The following BUD23 variants were observed in gnomAD, a reference collection of about 807,000 sequenced individuals.
The protein encoded by BUD23 is 18S rRNA (guanine-N(7))-methyltransferase.
BUD23 carries 34 observed loss-of-function variants against 47.0 expected under a neutral mutation model. The ratio of observed to expected loss-of-function variants is 0.72; its 90% CI spans 0.55 to 0.96. The LOEUF is 0.96. Ranked by LOEUF, BUD23 falls within the 40% of genes least tolerant of loss-of-function variation. The pLI, the probability that BUD23 is intolerant of heterozygous loss-of-function variation, is 0.00. For missense variants in BUD23, 343 were observed against 361.2 expected, an observed-to-expected ratio of 0.95 and a Z score of 0.41; for synonymous variants, 124 against 132.0, an observed-to-expected ratio of 0.94 and a Z score of 0.41.
At chr7:73,683,901 G>C in intron 2 of BUD23, 97 bp downstream of exon 2, 1 of 1,609,232 alleles carries the variant, frequency 6.2e-7, no homozygotes, top group Non-Finnish European at 8.5e-7. Context: ...AGAATTTGGG[G>C]GTGCGGGAAG....
Position 73,693,333 on chromosome 7 carries a change from A to G in BUD23, c.515A>G (p.Glu172Gly). The change falls in exon 8 of 12, where the codon GAG (glutamate) becomes GGG (glycine). Residue 172 changes from glutamate (E) to glycine (G), a missense_variant. Physicochemically the swap from Glu to Gly is moderately conservative, Grantham distance 98. Coordinates refer to ENST00000265758, the MANE Select transcript of BUD23 (RefSeq NM_017528.5). Reference sequence around the variant, plus strand: ...CCGCTGCCTTTCTTTCCTCAGTTGGAGCTGATCACAACCCAGGCCACAAAG... The same window carrying G: ...CCGCTGCCTTTCTTTCCTCAGTTGGGGCTGATCACAACCCAGGCCACAAAG... Reference protein sequence around the residue: ...QLYPENSEQLELITTQATKAG... With the variant: ...QLYPENSEQLGLITTQATKAG... 1 of 1,613,802 alleles carries G rather than the reference A, an allele frequency of 6.2e-7. No homozygotes were observed. Among genetic ancestry groups the G allele is most frequent in the Non-Finnish European group, 8.5e-7 (1 of 1,179,906 alleles).
At chr7:73,697,289 A>C in intron 10 of BUD23, 2 of 664,416 alleles carry the variant, frequency 3.0e-6, no homozygotes, top group Middle Eastern at 4.1e-4. Context: ...GCATTGGTAG[A>C]AAGCGGCCTG....
chr7:73,694,155 G>T, intron 10 of BUD23, 105 bp downstream of exon 10: 10 of 1,201,014 alleles, frequency 8.3e-6, no homozygotes, highest in Non-Finnish European at 1.2e-5. Context: ...GTCACATGCA[G>T]CAGGGACACC....
chr7:73,693,189 C>G, intron 7 of BUD23, 140 bp from the exon 8 acceptor site: 1 of 756,634 alleles, frequency 1.3e-6, no homozygotes. Flanking sequence ...GTACTTTTCT[C>G]TACGTGGCTT....
rs1554615162 is a variant in BUD23 at position 73,697,821 on chromosome 7, T to C, written c.792-11T>C. ...TTTTTTCTGAGACTGTCCTATTCCT[T>C]TTCTGCACAGGGAAGTCAGACCTGA... On this transcript the variant is annotated splice_polypyrimidine_tract_variant and intron_variant, in intron 11 of 11. Transcript: ENST00000265758. 3 of 1,613,348 alleles carry C rather than the reference T, an allele frequency of 1.9e-6. No individual in the cohort carries two copies. The highest frequency in any genetic ancestry group is 2.5e-6 in the Non-Finnish European group (3 of 1,179,880).
chr7:73,697,986 T>G lies in BUD23; in HGVS notation c.*100T>G. 1 of 1,429,358 alleles carries G rather than the reference T, an allele frequency of 7.0e-7. No homozygotes were observed. Among genetic ancestry groups the G allele is most frequent in the Non-Finnish European group, 9.3e-7 (1 of 1,072,350 alleles). 88.5% of individuals were successfully genotyped at this position (1,429,358 alleles called of 1,614,324 possible). ...GAAAAGTTCTAAAGTTATAAAAATGTTTTCTGCAGTAAAAAAAAAGTTCTC... is the reference window on the plus strand; with the variant it reads ...GAAAAGTTCTAAAGTTATAAAAATGGTTTCTGCAGTAAAAAAAAAGTTCTC... On this transcript the variant is annotated 3_prime_UTR_variant, in exon 12 of 12. Coordinates refer to ENST00000265758, the MANE Select transcript of BUD23 (RefSeq NM_017528.5).
At chr7:73,684,001 G>T in intron 2 of BUD23, 197 bp downstream of exon 2, 1 of 1,450,802 alleles carries the variant, frequency 6.9e-7, no homozygotes, top group Non-Finnish European at 9.0e-7. Context: ...CAGCGTTGAG[G>T]TAGGGGTGAT....
At chr7:73,697,784 T>C (rs1554615146) in intron 11 of BUD23, 48 bp from the exon 12 acceptor site, 1 of 1,611,202 alleles carries the variant, frequency 6.2e-7, no homozygotes, top group Non-Finnish European at 8.5e-7. Context: ...GGTCCAGGGC[T>C]GCTTTGATCT....
intron 10 of BUD23, chr7:73,697,331 G>A (rs1798445632): frequency 9.5e-7 from 1 of 1,048,006 alleles, no homozygotes; most frequent in South Asian, 1.5e-5. Flanking sequence ...CCCGAAGAGG[G>A]AACAGACTGC....
intron 10 of BUD23, chr7:73,695,110 C>A: frequency 6.6e-6 from 1 of 152,432 alleles, no homozygotes; most frequent in South Asian, 2.1e-4. Flanking sequence ...GCCACCATGC[C>A]TGGTTAATTT....
In BUD23 at chr7:73,686,918, G is replaced by A. The variant is rs1554613128; in HGVS notation, c.265+18G>A. 6.2e-7 allele frequency: 1 copy of A among 1,614,172 alleles called. No homozygotes were observed. Among genetic ancestry groups the A allele is most frequent in the Non-Finnish European group, 8.5e-7 (1 of 1,180,000 alleles). The stretch of plus-strand genomic sequence containing the variant: ...CATGCTGGGTAAGTATGTCCTGTCT[G>A]GCACCAGGGTGGATTACCCTGATGG... On this transcript the variant is annotated intron_variant, in intron 4 of 11. Coordinates refer to ENST00000265758, the MANE Select transcript of BUD23 (RefSeq NM_017528.5).
At position 73,683,682 on chromosome 7, in the gene BUD23, CG is replaced by C; in HGVS notation, c.48+13del. 1 of 1,613,688 alleles carries C rather than the reference CG, an allele frequency of 6.2e-7. No homozygotes were observed. On this transcript the variant is annotated intron_variant, in intron 1 of 11. Transcript: ENST00000265758. ...GCGGACCCCCAGAGCTGGTAAGTCCCGGGGCCCGCGGACACCCCTCTCCCCA... is the reference window on the plus strand; with the variant it reads ...GCGGACCCCCAGAGCTGGTAAGTCCCGGGCCCGCGGACACCCCTCTCCCCA...
chr7:73,692,506 A>C, intron 6 of BUD23, 90 bp from the exon 7 acceptor site: 1 of 1,289,396 alleles, frequency 7.8e-7, no homozygotes, highest in Non-Finnish European at 1.1e-6. Context: ...GAAATTCAGG[A>C]AATACTTGGT....
chr7:73,686,573 G>C, intron 2 of BUD23, 63 bp from the exon 3 acceptor site: 3 of 1,427,048 alleles, frequency 2.1e-6, no homozygotes, highest in Middle Eastern at 1.8e-4. Flanking sequence ...TTGTTTTTTG[G>C]TCTGGGGGAA....
chr7:73,683,902 G>A (rs782387657), intron 2 of BUD23, 98 bp downstream of exon 2: 2 of 1,609,114 alleles, frequency 1.2e-6, no homozygotes, highest in Non-Finnish European at 1.7e-6. Context: ...GAATTTGGGG[G>A]TGCGGGAAGG....
intron 2 of BUD23, chr7:73,684,102 G>T (rs1797842771): frequency 1.1e-6 from 1 of 904,666 alleles, no homozygotes; most frequent in South Asian, 1.8e-5. Context: ...GTGGGTACGG[G>T]CGAGGGGTCA....
chr7:73,684,090 C>A (rs1170852332), intron 2 of BUD23: 2 of 1,035,722 alleles, frequency 1.9e-6, no homozygotes, highest in Non-Finnish European at 2.7e-6. Context: ...AGGCGCTGGG[C>A]GGTGGGTACG....
At chr7:73,697,517 G>GT in intron 10 of BUD23, 88 bp from the exon 11 acceptor site, 1 of 1,603,444 alleles carries the variant, frequency 6.2e-7, no homozygotes, top group Non-Finnish European at 8.5e-7. Context: ...AGACTCGGAG[G>GT]TAAGCTTGCC....
intron 5 of BUD23, among the ~76,000 whole-genome samples, chr7:73,688,378 G>A (rs77983976): frequency 0.035 from 5,339 of 152,208 alleles, 92 homozygotes; most frequent in African/African-American, 0.04. Context: ...CTACTATTGC[G>A]ATTATTTTGC....
Sources: gnomAD v4.1 joint callset for allele counts (sites outside exome capture counted in the v4.1 genomes callset) on GRCh38, gnomAD v4.1.1 for gene constraint, MANE v1.5 for transcripts, NCBI Gene and HGNC (gene_info 2026-07-23, HGNC 2026-07-21) for gene names.